CRYL1: variants seen among roughly 807,000 people sequenced by gnomAD.
CRYL1 encodes lambda-crystallin homolog.
CRYL1 carries 29 observed loss-of-function variants against 36.6 expected under a neutral mutation model. That is an observed-to-expected ratio of 0.79 (90% CI 0.59 to 1.08). The LOEUF (loss-of-function observed/expected upper bound fraction) is 1.08. Ranked by LOEUF, CRYL1 falls within the 50% of genes least tolerant of loss-of-function variation. CRYL1 has a pLI of 0.00. For synonymous variants in CRYL1, 152 were observed against 151.5 expected, an observed-to-expected ratio of 1.00 and a Z score of -0.02; for missense variants, 411 against 407.9, an observed-to-expected ratio of 1.01 and a Z score of -0.06.
At chr13:20,453,535 TTA>T (rs1279703821) in intron 3 of CRYL1, among the ~76,000 whole-genome samples, 8 of 151,902 alleles carry the variant, frequency 5.3e-5, no homozygotes, top group African/African-American at 1.9e-4. Flanking sequence ...ATGTATAGCA[TTA>T]TATATTTACA....
chr13:20,458,725 T>C (rs1382487342), intron 3 of CRYL1, among the ~76,000 whole-genome samples: 1 of 152,170 alleles, frequency 6.6e-6, no homozygotes, highest in Non-Finnish European at 1.5e-5. Context: ...TCAAAAGCCA[T>C]GTGGACACCA....
intron 5 of CRYL1, among the ~76,000 whole-genome samples, chr13:20,422,990 C>T (rs1447177343): frequency 6.6e-6 from 1 of 152,112 alleles, no homozygotes; most frequent in Admixed American, 6.5e-5. Context: ...TGTCAGTGTA[C>T]AGATATTTCA....
In CRYL1 at chr13:20,522,833, T is replaced by A. The variant is rs535226397; in HGVS notation, c.41+2921A>T. On this transcript the variant is annotated intron_variant, in intron 1 of 7. Coordinates refer to ENST00000298248, the MANE Select transcript of CRYL1 (RefSeq NM_015974.3). ...TTAGCGATTTAGAAACACAGTGTTTTATAAAGGTAAGGCTAACAAAATGAA... is the reference window on the plus strand; with the variant it reads ...TTAGCGATTTAGAAACACAGTGTTTAATAAAGGTAAGGCTAACAAAATGAA... Among the ~76,000 whole-genome samples, 102 of 151,570 alleles carry A rather than the reference T, an allele frequency of 6.7e-4. 3 individuals carry two copies. The South Asian group carries it at 0.021, about 31-fold the overall frequency.
chr13:20,448,366 C>G (rs1555228277), intron 3 of CRYL1, among the ~76,000 whole-genome samples: 3 of 151,974 alleles, frequency 2.0e-5, no homozygotes, highest in Admixed American at 1.3e-4. Context: ...CGGAATAGGA[C>G]AGAAGAAAAA....
chr13:20,426,554 T>G, intron 5 of CRYL1: 1 of 293,118 alleles, frequency 3.4e-6, no homozygotes, highest in Non-Finnish European at 5.1e-6. Flanking sequence ...GTATCTATTG[T>G]GAGCTTGCGG....
At chr13:20,408,710 CA>C (rs1234910763) in intron 6 of CRYL1, among the ~76,000 whole-genome samples, 8 of 152,210 alleles carry the variant, frequency 5.3e-5, no homozygotes, top group African/African-American at 1.9e-4. Context: ...CAACAACAGA[CA>C]AACAGAGAGC....
intron 2 of CRYL1, among the ~76,000 whole-genome samples, chr13:20,507,896 C>T (rs940885614): frequency 7.1e-6 from 1 of 140,990 alleles, no homozygotes; most frequent in Non-Finnish European, 1.5e-5. Context: ...CCAGCCTGGG[C>T]AACAGAGCAA....
intron 3 of CRYL1, among the ~76,000 whole-genome samples, chr13:20,467,682 G>C (rs12876559): frequency 6.6e-6 from 1 of 152,022 alleles, no homozygotes; most frequent in Non-Finnish European, 1.5e-5. Context: ...TTAGCCGGGC[G>C]TGGTGGCACG....
At position 20,477,685 on chromosome 13, in the gene CRYL1, T is replaced by A. The variant is rs566552138; in HGVS notation, c.276+11685A>T. ...AAAATTAAATATATAAAAATATTTT[T>A]AAAAATATATTAAAAATATATATAA... On this transcript the variant is annotated intron_variant, in intron 3 of 7. Transcript: ENST00000298248. Among the ~76,000 whole-genome samples, 845 of 146,372 alleles carry A rather than the reference T, an allele frequency of 5.8e-3. 4 individuals carry two copies. The highest frequency in any genetic ancestry group is 0.019 in the African/African-American group (763 of 40,344).
intron 5 of CRYL1, among the ~76,000 whole-genome samples, chr13:20,424,745 G>A (rs1258215869): frequency 3.9e-5 from 6 of 152,146 alleles, no homozygotes; most frequent in Admixed American, 2.6e-4. Context: ...GGGCAAAGCC[G>A]GCAGAGGGAG....
intron 3 of CRYL1, among the ~76,000 whole-genome samples, chr13:20,448,367 A>G (rs2032499709): frequency 6.6e-6 from 1 of 152,224 alleles, no homozygotes; most frequent in Admixed American, 6.5e-5. Flanking sequence ...GGAATAGGAC[A>G]GAAGAAAAAT....
intron 2 of CRYL1, among the ~76,000 whole-genome samples, chr13:20,490,101 T>C (rs1418084319): frequency 6.6e-6 from 1 of 151,960 alleles, no homozygotes; most frequent in Non-Finnish European, 1.5e-5. Context: ...GTCAAAATAA[T>C]AGAGGCAGGC....
At chr13:20,457,768 G>C (rs953177166) in intron 3 of CRYL1, among the ~76,000 whole-genome samples, 2 of 152,198 alleles carry the variant, frequency 1.3e-5, no homozygotes, top group African/African-American at 4.8e-5. Flanking sequence ...TGCTGGGCTT[G>C]TTCTGCACCA....
At chr13:20,454,751 C>G (rs1001098747) in intron 3 of CRYL1, among the ~76,000 whole-genome samples, 3 of 152,148 alleles carry the variant, frequency 2.0e-5, no homozygotes, top group African/African-American at 7.2e-5. Context: ...TCTCAGCAAT[C>G]TAGGAATAGA....
chr13:20,507,729 TA>T (rs1476522866), intron 2 of CRYL1, among the ~76,000 whole-genome samples: 1 of 151,712 alleles, frequency 6.6e-6, no homozygotes, highest in Non-Finnish European at 1.5e-5. Flanking sequence ...CCATCCTGGC[TA>T]ACACAGTGAA....
At chr13:20,432,364 T>C in intron 4 of CRYL1, 68 bp from the exon 5 acceptor site, 3 of 1,206,550 alleles carry the variant, frequency 2.5e-6, no homozygotes, top group Non-Finnish European at 3.5e-6. Context: ...GCACCCACCC[T>C]GAATGGTCAG....
intron 2 of CRYL1, among the ~76,000 whole-genome samples, chr13:20,496,214 G>A (rs1042813035): frequency 2.6e-5 from 4 of 152,216 alleles, no homozygotes; most frequent in Admixed American, 6.5e-5. Context: ...AACTCACAGT[G>A]ACAGAAAGTA....
intron 2 of CRYL1, among the ~76,000 whole-genome samples, chr13:20,498,766 C>T (rs1391088544): frequency 6.6e-6 from 1 of 152,120 alleles, no homozygotes; most frequent in Non-Finnish European, 1.5e-5. Context: ...TTTAGCTGGC[C>T]TCATGCTGTC....
intron 2 of CRYL1, among the ~76,000 whole-genome samples, chr13:20,510,280 T>C (rs1038523123): frequency 5.3e-5 from 8 of 152,176 alleles, no homozygotes; most frequent in African/African-American, 9.7e-5. Context: ...AGTGGGTGAA[T>C]AGATAAATAA....
Sources: gnomAD v4.1 joint callset for allele counts (sites outside exome capture counted in the v4.1 genomes callset) on GRCh38, gnomAD v4.1.1 for gene constraint, MANE v1.5 for transcripts, NCBI Gene and HGNC (gene_info 2026-07-23, HGNC 2026-07-21) for gene names.